Variants in BRINP1 observed in about 807,000 individuals in gnomAD.
BRINP1 encodes the protein BMP/retinoic acid-inducible neural-specific protein 1.
A neutral mutation model predicts 72.9 loss-of-function variants in BRINP1; 17 were observed. The observed-to-expected ratio is 0.23, with a 90% CI of 0.16 to 0.35. BRINP1 has a LOEUF of 0.35. Among genes scored for constraint, BRINP1 ranks in the 10% least tolerant of loss-of-function variants. The probability of loss-of-function intolerance (pLI) is 1.00; values close to 1 mark genes in which losing one functional copy is unlikely to be tolerated. For missense variants in BRINP1, 850 were observed against 1,001.6 expected, an observed-to-expected ratio of 0.85 and a Z score of 2.04; for synonymous variants, 418 against 378.5, an observed-to-expected ratio of 1.10 and a Z score of -1.21.
At chr9:119,212,661 G>C (rs1196948618) in intron 6 of BRINP1, among the ~76,000 whole-genome samples, 3 of 152,156 alleles carry the variant, frequency 2.0e-5, no homozygotes, top group Admixed American at 2.0e-4. Flanking sequence ...GAAATATAAT[G>C]TTGTTGTAAA....
chr9:119,232,468 A>T (rs1032042930), intron 5 of BRINP1, among the ~76,000 whole-genome samples: 4 of 152,188 alleles, frequency 2.6e-5, no homozygotes, highest in Admixed American at 2.0e-4. Context: ...AAAATCTGAT[A>T]TAAAGTTTTT....
intron 5 of BRINP1, among the ~76,000 whole-genome samples, chr9:119,230,848 C>T (rs1260903932): frequency 1.3e-5 from 2 of 151,986 alleles, no homozygotes; most frequent in East Asian, 1.9e-4. Flanking sequence ...GAGATTCAGG[C>T]AGAGGGCAGA....
At chr9:119,229,729 A>C (rs184140933) in intron 5 of BRINP1, among the ~76,000 whole-genome samples, 12 of 152,266 alleles carry the variant, frequency 7.9e-5, no homozygotes, top group Admixed American at 3.9e-4. Flanking sequence ...AATGGCATAC[A>C]GTAGGCCCTC....
chr9:119,231,623 T>C (rs1830149487), intron 5 of BRINP1, among the ~76,000 whole-genome samples: 1 of 152,110 alleles, frequency 6.6e-6, no homozygotes, highest in Admixed American at 6.6e-5. Flanking sequence ...CAGTGACCCA[T>C]GTGTTGCTAA....
chr9:119,286,946 C>G (rs981257036), intron 2 of BRINP1, among the ~76,000 whole-genome samples: 1 of 152,068 alleles, frequency 6.6e-6, no homozygotes. Context: ...CCTTGGAACA[C>G]TTGAATTGCA....
chr9:119,227,450 T>C (rs903785771), intron 5 of BRINP1, among the ~76,000 whole-genome samples: 1 of 152,064 alleles, frequency 6.6e-6, no homozygotes, highest in Non-Finnish European at 1.5e-5. Flanking sequence ...CCTATGTTCA[T>C]AAAGTAAAAG....
In BRINP1 at chr9:119,213,995, G is replaced by T. The variant is rs1413313753; in HGVS notation, c.846C>A (p.Asp282Glu). The T allele has an allele frequency of 6.2e-7, 1 of 1,614,032 alleles. No individual in the cohort carries two copies. The highest frequency in any genetic ancestry group is 8.5e-7 in the Non-Finnish European group (1 of 1,180,020). ...CCAGCGTGTACTCCATGATCTGGATGTCCGTGATGGGGCAGTTGCACTGCG... is the reference window on the plus strand; with the variant it reads ...CCAGCGTGTACTCCATGATCTGGATTTCCGTGATGGGGCAGTTGCACTGCG... ...EFPQCNCPIT[D>E]IQIMEYTLAN... Residue 282 changes from aspartate to glutamate, a missense_variant, in exon 6 of 8, where the codon GAC (aspartate) becomes GAA (glutamate). Physicochemically the swap from Asp to Glu is conservative, Grantham distance 45. Coordinates refer to ENST00000265922, the MANE Select transcript of BRINP1 (RefSeq NM_014618.3).
chr9:119,171,627 C>G (rs1358784291), intron 7 of BRINP1, among the ~76,000 whole-genome samples: 1 of 119,774 alleles, frequency 8.3e-6, no homozygotes, highest in Admixed American at 9.0e-5. Flanking sequence ...CTGCACCAAG[C>G]GGACCTAATA....
intron 1 of BRINP1, among the ~76,000 whole-genome samples, chr9:119,331,476 G>A (rs1404779086): frequency 6.6e-6 from 1 of 152,242 alleles, no homozygotes; most frequent in Non-Finnish European, 1.5e-5. Context: ...AGAAATAACA[G>A]CAATTTGTCA....
At chr9:119,191,283 G>A (rs1829680917) in intron 7 of BRINP1, among the ~76,000 whole-genome samples, 1 of 151,816 alleles carries the variant, frequency 6.6e-6, no homozygotes, top group African/African-American at 2.4e-5. Flanking sequence ...GTACTAGCAA[G>A]AGTAGCCAGA....
intron 3 of BRINP1, among the ~76,000 whole-genome samples, chr9:119,246,629 A>G (rs893798001): frequency 6.6e-6 from 1 of 152,204 alleles, no homozygotes; most frequent in African/African-American, 2.4e-5. Flanking sequence ...CAGTAACACT[A>G]AGCTGGTGAA....
intron 1 of BRINP1, among the ~76,000 whole-genome samples, chr9:119,334,808 A>C (rs1831332476): frequency 6.6e-6 from 1 of 152,056 alleles, no homozygotes; most frequent in Non-Finnish European, 1.5e-5. Flanking sequence ...AGAGAGAGAG[A>C]GAATCATGCT....
chr9:119,238,678 G>A lies in BRINP1; in HGVS notation c.662C>T (p.Thr221Met), dbSNP rs1473785. ...ACCTTGAAGGTGCAGTTTGCTCTCC[G>A]TGCTTTGCAGAAGGACGGAACTCAC... ...DSVSSVLLQS[T>M]ESKLHLQGLQ... is the part of the protein sequence containing the mutation. The change falls in exon 5 of 8, where the codon ACG (threonine) becomes ATG (methionine). Residue 221 changes from threonine (T) to methionine (M), a missense_variant. Coordinates refer to ENST00000265922, the MANE Select transcript of BRINP1 (RefSeq NM_014618.3). 7.3e-5 allele frequency: 118 copies of A among 1,610,502 alleles called. No homozygotes were observed. Among genetic ancestry groups the A allele is most frequent in the Admixed American group, 4.7e-4 (28 of 59,212 alleles).
chr9:119,314,173 A>T (rs1161174564), intron 1 of BRINP1, among the ~76,000 whole-genome samples: 1 of 152,164 alleles, frequency 6.6e-6, no homozygotes, highest in Non-Finnish European at 1.5e-5. Flanking sequence ...GTTCAAAAGG[A>T]AAACTGAAGG....
intron 7 of BRINP1, among the ~76,000 whole-genome samples, chr9:119,195,927 A>G (rs1050686466): frequency 1.3e-5 from 2 of 152,244 alleles, no homozygotes; most frequent in African/African-American, 4.8e-5. Context: ...AATCTCTTGA[A>G]AAACTTCAAA....
rs541767320 is a variant in BRINP1, at chr9:119,168,786, C to T, written c.1146-562G>A. Among the ~76,000 whole-genome samples, 69 of 152,226 alleles carry T rather than the reference C, an allele frequency of 4.5e-4. No homozygotes were observed. The Middle Eastern group carries it at 0.01, about 23-fold the overall frequency. On this transcript the variant is annotated intron_variant, in intron 7 of 7. Transcript: ENST00000265922. The stretch of plus-strand genomic sequence containing the variant: ...ATTTCTATTGATGATCTTACATGAT[C>T]CTCATGGTGGTTTTTTAGAACATGT...
intron 7 of BRINP1, among the ~76,000 whole-genome samples, chr9:119,188,816 A>T (rs570284590): frequency 6.6e-6 from 1 of 152,250 alleles, no homozygotes; most frequent in South Asian, 2.1e-4. Context: ...ACTAAAAGTA[A>T]AAGGATGACA....
chr9:119,367,912 C>T (rs1460220505), intron 1 of BRINP1, among the ~76,000 whole-genome samples: 2 of 152,160 alleles, frequency 1.3e-5, no homozygotes, highest in Non-Finnish European at 2.9e-5. Context: ...TCCAGGGGAG[C>T]CATGGAGAGG....
At chr9:119,264,507 A>G (rs148785419) in intron 2 of BRINP1, among the ~76,000 whole-genome samples, 3 of 152,242 alleles carry the variant, frequency 2.0e-5, no homozygotes, top group Middle Eastern at 3.2e-3. Flanking sequence ...TTTATATTCA[A>G]GATGCCTTAT....
Sources: allele counts gnomAD v4.1 joint callset (sites outside exome capture counted in the v4.1 genomes callset), GRCh38; gene constraint gnomAD v4.1.1; transcripts MANE v1.5; gene names NCBI Gene and HGNC (gene_info 2026-07-23, HGNC 2026-07-21).